Variants in IL1RAPL1 observed in about 807,000 individuals in gnomAD.
IL1RAPL1 encodes the protein interleukin-1 receptor accessory protein-like 1.
In IL1RAPL1, 3 loss-of-function variants were observed where a neutral mutation model predicts 48.4. The observed-to-expected ratio is 0.06, with a 90% CI of 0.03 to 0.16. The LOEUF (loss-of-function observed/expected upper bound fraction) is 0.16. Ranked by LOEUF, IL1RAPL1 falls within the 10% of genes least tolerant of loss-of-function variation. IL1RAPL1 has a pLI of 1.00. For missense variants in IL1RAPL1, 349 were observed against 530.6 expected (o/e 0.66, Z 3.36); for synonymous variants, 185 against 187.7 (o/e 0.99, Z 0.12).
chrX:29,391,814 T>C, intron 3 of IL1RAPL1, among the ~76,000 whole-genome samples: 1 of 111,913 alleles, frequency 8.9e-6, no homozygotes, highest in East Asian at 2.8e-4. Context: ...CCCTAGCTTA[T>C]AGAAGAGACC....
intron 2 of IL1RAPL1, among the ~76,000 whole-genome samples, chrX:28,917,413 C>T (rs1423164753): frequency 3.6e-5 from 4 of 111,552 alleles, no homozygotes; most frequent in South Asian, 3.7e-4. Context: ...TGATATGACA[C>T]GCAATTTGTG....
chrX:28,593,063 C>T (rs1933920979), intron 1 of IL1RAPL1, among the ~76,000 whole-genome samples: 1 of 111,865 alleles, frequency 8.9e-6, no homozygotes, highest in South Asian at 3.7e-4. Flanking sequence ...GAAAATGCCA[C>T]CCTGGAGTGT....
chrX:28,853,743 T>C (rs1007047538), intron 2 of IL1RAPL1, among the ~76,000 whole-genome samples: 6 of 111,716 alleles, frequency 5.4e-5, no homozygotes, highest in African/African-American at 2.0e-4. Flanking sequence ...TACCTACAGA[T>C]ATATAGATCA....
At chrX:28,611,915 A>C (rs1334306674) in intron 1 of IL1RAPL1, among the ~76,000 whole-genome samples, 1 of 112,163 alleles carries the variant, frequency 8.9e-6, no homozygotes, top group Non-Finnish European at 1.9e-5. Flanking sequence ...ATAAACTACT[A>C]CCCATGACCC....
intron 2 of IL1RAPL1, among the ~76,000 whole-genome samples, chrX:28,930,644 A>T (rs1044589481): frequency 1.8e-5 from 2 of 111,619 alleles, no homozygotes; most frequent in African/African-American, 6.5e-5. Context: ...TTTAATTTTT[A>T]TTTATTTATT....
At chrX:28,794,986 T>A (rs1348797807) in intron 2 of IL1RAPL1, among the ~76,000 whole-genome samples, 1 of 111,461 alleles carries the variant, frequency 9.0e-6, no homozygotes, top group Non-Finnish European at 1.9e-5. Context: ...TTCACATGAT[T>A]AAGAGACAAC....
intron 8 of IL1RAPL1, among the ~76,000 whole-genome samples, chrX:29,923,250 T>A (rs1289753183): frequency 8.9e-6 from 1 of 112,412 alleles, no homozygotes; most frequent in Non-Finnish European, 1.9e-5. Flanking sequence ...CATGAAAGCC[T>A]GCAGAAAATC....
chrX:29,793,708 A>G (rs1269538566), intron 6 of IL1RAPL1, among the ~76,000 whole-genome samples: 1 of 112,444 alleles, frequency 8.9e-6, no homozygotes, highest in African/African-American at 3.2e-5. Flanking sequence ...CTCAATAAAT[A>G]TTTAGTCAAT....
chrX:28,837,189 G>A (rs979917462), intron 2 of IL1RAPL1, among the ~76,000 whole-genome samples: 1 of 110,551 alleles, frequency 9.0e-6, no homozygotes, highest in East Asian at 2.9e-4. Context: ...TCATTGTTTT[G>A]CTATTTAATA....
At chrX:29,660,888 G>A (rs1037878114) in intron 5 of IL1RAPL1, among the ~76,000 whole-genome samples, 3 of 111,936 alleles carry the variant, frequency 2.7e-5, no homozygotes, top group African/African-American at 6.5e-5. Context: ...TACTTTGATA[G>A]GGATTGCAAT....
chrX:29,152,974 T>C (rs1929496526), intron 2 of IL1RAPL1, among the ~76,000 whole-genome samples: 1 of 112,166 alleles, frequency 8.9e-6, no homozygotes, highest in South Asian at 3.7e-4. Flanking sequence ...TATCTTACAG[T>C]TCTGGAAGTC....
At chrX:29,745,443 T>TTTTG (rs1278222136) in intron 6 of IL1RAPL1, among the ~76,000 whole-genome samples, 3 of 81,663 alleles carry the variant, frequency 3.7e-5, no homozygotes, top group Non-Finnish European at 7.1e-5. Flanking sequence ...TTTTTTTTTT[T>TTTTG]TTTTTTTTTT....
intron 2 of IL1RAPL1, among the ~76,000 whole-genome samples, chrX:28,917,262 C>A (rs1049906900): frequency 9.0e-6 from 1 of 111,066 alleles, no homozygotes; most frequent in African/African-American, 3.3e-5. Flanking sequence ...TCATATAAGC[C>A]AATTTTCTTT....
At chrX:29,360,657 G>A (rs1415298242) in intron 3 of IL1RAPL1, among the ~76,000 whole-genome samples, 2 of 111,255 alleles carry the variant, frequency 1.8e-5, no homozygotes, top group African/African-American at 6.5e-5. Flanking sequence ...CTTCTGTTGT[G>A]TTTAGACTAT....
intron 5 of IL1RAPL1, among the ~76,000 whole-genome samples, chrX:29,439,990 CGTGTGTGTGTGT>C (rs60967823): frequency 7.2e-5 from 7 of 96,765 alleles, no homozygotes; most frequent in South Asian, 1.0e-3. Context: ...CAATTTGACA[CGTGTGTGTGTGT>C]GTGTGTGTGT....
intron 3 of IL1RAPL1, among the ~76,000 whole-genome samples, chrX:29,388,594 C>T: frequency 8.9e-6 from 1 of 111,841 alleles, no homozygotes. Context: ...TAATGTTCAG[C>T]CAAAAGAAAG....
At chrX:28,899,936 A>G (rs754272162) in intron 2 of IL1RAPL1, among the ~76,000 whole-genome samples, 12 of 112,404 alleles carry the variant, frequency 1.1e-4, no homozygotes, top group South Asian at 3.7e-4. Flanking sequence ...TGTTAAAGGC[A>G]TGGTAATTAG....
chrX:28,607,869 C>G (rs1176877821), intron 1 of IL1RAPL1, among the ~76,000 whole-genome samples: 1 of 110,782 alleles, frequency 9.0e-6, no homozygotes, highest in Admixed American at 9.8e-5. Flanking sequence ...GTTCACCACG[C>G]ACATAGCAGA....
intron 2 of IL1RAPL1, among the ~76,000 whole-genome samples, chrX:29,250,440 C>T (rs1443691101): frequency 2.7e-5 from 3 of 110,361 alleles, no homozygotes; most frequent in Non-Finnish European, 5.7e-5. Flanking sequence ...TGAAGATTTC[C>T]GAGGGCCAGT....
Sources: gnomAD v4.1 joint callset for allele counts (sites outside exome capture counted in the v4.1 genomes callset) on GRCh38, gnomAD v4.1.1 for gene constraint, MANE v1.5 for transcripts, NCBI Gene and HGNC (gene_info 2026-07-23, HGNC 2026-07-21) for gene names.